Variants in COLEC10 observed in about 807,000 individuals in gnomAD.
The protein encoded by COLEC10 is collectin subfamily member 10, also known as collectin-10.
A neutral mutation model predicts 28.4 loss-of-function variants in COLEC10; 22 were observed. That is an observed-to-expected ratio of 0.78 (90% confidence interval 0.55 to 1.11). The LOEUF (loss-of-function observed/expected upper bound fraction) is 1.11. Ranked by LOEUF, COLEC10 falls within the 50% of genes least tolerant of loss-of-function variation. The probability of loss-of-function intolerance (pLI) is 0.00; values close to 1 mark genes in which losing one functional copy is unlikely to be tolerated. For synonymous variants in COLEC10, 125 were observed against 116.1 expected (o/e 1.08, Z -0.49); for missense variants, 361 against 344.1 (o/e 1.05, Z -0.39).
intron 2 of COLEC10, among the ~76,000 whole-genome samples, chr8:119,024,291 T>C (rs1202652557): frequency 6.6e-6 from 1 of 152,038 alleles, no homozygotes; most frequent in African/African-American, 2.4e-5. Flanking sequence ...GCTTTAAGGA[T>C]TGTGAAAAGT....
chr8:119,036,600 G>T (rs1587011142), intron 2 of COLEC10, among the ~76,000 whole-genome samples: 1 of 152,240 alleles, frequency 6.6e-6, no homozygotes, highest in East Asian at 1.9e-4. Flanking sequence ...CTGGTTGAGG[G>T]TATGGTATTT....
Position 119,022,717 on chromosome 8 carries a change from TACCCA to T in COLEC10, n.235+13165_235+13169del. 2.0e-5 allele frequency among the ~76,000 whole-genome samples: 3 copies of T among 152,188 alleles called. No individual in the cohort carries two copies. In the East Asian group the frequency reaches 5.8e-4, roughly 29 times the overall value. ...CCTAACCTCTACTCTTCTTGCATAA[TACCCA>T]GTCCCCTCCACTGGCTGCCTCCCCA... On this transcript the variant is annotated intron_variant and non_coding_transcript_variant, in intron 2 of 6. Transcript: ENST00000521788.
chr8:119,091,949 A>G (rs1815613332), intron 3 of COLEC10, among the ~76,000 whole-genome samples: 1 of 152,208 alleles, frequency 6.6e-6, no homozygotes, highest in African/African-American at 2.4e-5. Context: ...AGAGGACAGT[A>G]AAATTTTCTT....
At chr8:118,957,057 C>T in the COLEC10 span, among the ~76,000 whole-genome samples, 9 of 152,022 alleles carry the variant, frequency 5.9e-5, no homozygotes, top group Non-Finnish European at 7.4e-5. Context: ...AAATATTAAA[C>T]CAAAGAGGGG....
intron 1 of COLEC10, among the ~76,000 whole-genome samples, chr8:119,085,599 CTTTTTTTTT>C (rs66829005): frequency 3.2e-3 from 206 of 63,568 alleles, no homozygotes; most frequent in African/African-American, 8.9e-3. Flanking sequence ...TCTTCTTCTT[CTTTTTTTTT>C]TTTTTTTTTT....
the COLEC10 span, among the ~76,000 whole-genome samples, chr8:118,957,499 A>G: frequency 6.6e-6 from 1 of 152,190 alleles, no homozygotes; most frequent in African/African-American, 2.4e-5. Context: ...AGGCCAAGGG[A>G]ACTGGAGAGA....
intron 2 of COLEC10, among the ~76,000 whole-genome samples, chr8:119,052,907 A>G (rs1814698338): frequency 6.6e-6 from 1 of 152,136 alleles, no homozygotes; most frequent in South Asian, 2.1e-4. Context: ...TTTCTTTGGC[A>G]GCCAAAGAGA....
chr8:119,078,551 T>C (rs1815301448), intron 1 of COLEC10, among the ~76,000 whole-genome samples: 1 of 152,318 alleles, frequency 6.6e-6, no homozygotes, highest in African/African-American at 2.4e-5. Context: ...TTAATTGTGT[T>C]TGAGTTACAT....
the COLEC10 span, among the ~76,000 whole-genome samples, chr8:118,989,568 C>CAT: frequency 1.3e-3 from 189 of 140,894 alleles, no homozygotes; most frequent in East Asian, 0.012. Context: ...CACACACACA[C>CAT]ACACACACAC....
At chr8:118,969,917 C>A in the COLEC10 span, among the ~76,000 whole-genome samples, 6 of 151,940 alleles carry the variant, frequency 3.9e-5, no homozygotes, top group East Asian at 1.9e-4. Flanking sequence ...GGTCACTAAC[C>A]AACTGATGTT....
chr8:119,023,603 T>C (rs1814135223), intron 2 of COLEC10, among the ~76,000 whole-genome samples: 1 of 152,190 alleles, frequency 6.6e-6, no homozygotes, highest in Non-Finnish European at 1.5e-5. Flanking sequence ...TTCCTTGACA[T>C]TTAAAAAATA....
At chr8:119,053,402 G>A (rs1814708324) in intron 2 of COLEC10, among the ~76,000 whole-genome samples, 1 of 152,098 alleles carries the variant, frequency 6.6e-6, no homozygotes, top group Admixed American at 6.6e-5. Context: ...AAGGATGAAA[G>A]AGCATTATTA....
chr8:119,029,229 G>A (rs1210684714), intron 2 of COLEC10, among the ~76,000 whole-genome samples: 5 of 152,114 alleles, frequency 3.3e-5, no homozygotes, highest in Non-Finnish European at 5.9e-5. Context: ...TAATTAGTGC[G>A]GGAGTAACAT....
chr8:119,032,127 A>G (rs74968007), intron 2 of COLEC10, among the ~76,000 whole-genome samples: 6,693 of 152,302 alleles, frequency 0.044, 213 homozygotes, highest in East Asian at 0.16. Flanking sequence ...TGTGCAAAGA[A>G]CAGAGTATTG....
At position 119,048,151 on chromosome 8, in the gene COLEC10, C is replaced by T. The variant is rs181150173; in HGVS notation, n.235+38598C>T. On this transcript the variant is annotated intron_variant and non_coding_transcript_variant, in intron 2 of 6. Transcript: ENST00000521788. The stretch of plus-strand genomic sequence containing the variant: ...AATCCATGCCCCACTTCCTCCTTCC[C>T]CGCCTCTAGCAGTCTGCAGTGTCTA... Among the ~76,000 whole-genome samples the T allele has an allele frequency of 5.9e-5, 9 of 152,250 alleles. No individual in the cohort carries two copies. The East Asian group carries it at 1.7e-3, about 29-fold the overall frequency.
At chr8:118,971,494 G>T in the COLEC10 span, among the ~76,000 whole-genome samples, 1 of 151,858 alleles carries the variant, frequency 6.6e-6, no homozygotes, top group South Asian at 2.1e-4. Flanking sequence ...ATTTTTTAAC[G>T]GGAACATGAG....
intron 1 of COLEC10, among the ~76,000 whole-genome samples, chr8:118,996,387 T>A (rs1813590672): frequency 6.6e-6 from 1 of 152,184 alleles, no homozygotes; most frequent in African/African-American, 2.4e-5. Flanking sequence ...AGAACTAGGA[T>A]CATTGGATCA....
At chr8:118,971,739 T>A in the COLEC10 span, among the ~76,000 whole-genome samples, 2 of 151,994 alleles carry the variant, frequency 1.3e-5, no homozygotes, top group African/African-American at 2.4e-5. Flanking sequence ...CACAACCTCA[T>A]AAAGGAGTCT....
chr8:118,971,472 C>A, the COLEC10 span, among the ~76,000 whole-genome samples: 3 of 151,904 alleles, frequency 2.0e-5, no homozygotes, highest in Admixed American at 2.0e-4. Flanking sequence ...AAATCTTCCT[C>A]AATATAGCCT....
Sources: gnomAD v4.1 joint callset for allele counts (sites outside exome capture counted in the v4.1 genomes callset) on GRCh38, gnomAD v4.1.1 for gene constraint, MANE v1.5 for transcripts, NCBI Gene and HGNC (gene_info 2026-07-23, HGNC 2026-07-21) for gene names.